KCNAB1: variants seen among roughly 807,000 people sequenced by gnomAD.
KCNAB1 encodes the protein voltage-gated potassium channel subunit beta-1.
Under a neutral mutation model 64.6 loss-of-function variants are expected in KCNAB1, and 35 were observed. That is an observed-to-expected ratio of 0.54 (90% confidence interval 0.41 to 0.72). The LOEUF (loss-of-function observed/expected upper bound fraction) is 0.72, where lower values mean the gene tolerates loss of function less well. Among genes scored for constraint, KCNAB1 ranks in the 30% least tolerant of loss-of-function variants. KCNAB1 has a pLI of 0.00. For missense variants in KCNAB1, 401 were observed against 512.9 expected, an observed-to-expected ratio of 0.78 and a Z score of 2.11; for synonymous variants, 177 against 183.8, an observed-to-expected ratio of 0.96 and a Z score of 0.30.
chr3:156,457,160 T>C, intron 3 of KCNAB1: 1 of 1,128,826 alleles, frequency 8.9e-7, no homozygotes, highest in South Asian at 2.6e-5. Flanking sequence ...CCATAAAGAA[T>C]GTTGTCAAAC....
chr3:156,343,545 T>C (rs1724278390), intron 1 of KCNAB1, among the ~76,000 whole-genome samples: 1 of 152,222 alleles, frequency 6.6e-6, no homozygotes. Context: ...CAGGGCCTTT[T>C]CAGCCTCCGC....
chr3:156,332,889 G>C (rs1163215161), intron 1 of KCNAB1, among the ~76,000 whole-genome samples: 1 of 152,064 alleles, frequency 6.6e-6, no homozygotes, highest in African/African-American at 2.4e-5. Flanking sequence ...TTATTTCCTG[G>C]TTTCCACAAC....
chr3:156,501,489 T>C (rs1390953882), intron 8 of KCNAB1, among the ~76,000 whole-genome samples: 1 of 135,916 alleles, frequency 7.4e-6, no homozygotes, highest in Non-Finnish European at 1.5e-5. Context: ...GAAATCGCAA[T>C]GATGTGGTCT....
In KCNAB1 at chr3:156,225,844, T is replaced by C. The variant is rs536025612; in HGVS notation, c.275+104958T>C. Among the ~76,000 whole-genome samples, 322 of 152,018 alleles carry C rather than the reference T, an allele frequency of 2.1e-3. 2 individuals carry two copies. The highest frequency in any genetic ancestry group is 7.3e-3 in the African/African-American group (304 of 41,430). ...CGATAGCTGCAAAAAATAATAATAATAAAATACATAGGAATATACCTAACC... is the reference window on the plus strand; with the variant it reads ...CGATAGCTGCAAAAAATAATAATAACAAAATACATAGGAATATACCTAACC... On this transcript the variant is annotated intron_variant, in intron 1 of 13. Coordinates refer to ENST00000490337, the MANE Select transcript of KCNAB1 (RefSeq NM_172160.3).
At chr3:156,329,801 T>C (rs1335253577) in intron 1 of KCNAB1, among the ~76,000 whole-genome samples, 1 of 152,172 alleles carries the variant, frequency 6.6e-6, no homozygotes, top group Non-Finnish European at 1.5e-5. Flanking sequence ...AATGTGGGTG[T>C]AGACACAACT....
rs534553763 is a variant in KCNAB1, at chr3:156,396,921, T to C, written c.276-24695T>C. 2.0e-5 allele frequency among the ~76,000 whole-genome samples: 3 copies of C among 152,328 alleles called. 1 individual carries two copies. The highest frequency in any genetic ancestry group is 6.5e-5 in the Admixed American group (1 of 15,296). ...GTTTCTTCTTAATTAGGACAGGCGATGTAATGACACAATCAAACACATATG... is the reference window on the plus strand; with the variant it reads ...GTTTCTTCTTAATTAGGACAGGCGACGTAATGACACAATCAAACACATATG... On this transcript the variant is annotated intron_variant, in intron 1 of 13. Coordinates refer to ENST00000490337, the MANE Select transcript of KCNAB1 (RefSeq NM_172160.3).
intron 1 of KCNAB1, among the ~76,000 whole-genome samples, chr3:156,354,251 C>T (rs945931833): frequency 6.8e-6 from 1 of 147,512 alleles, no homozygotes; most frequent in Admixed American, 6.7e-5. Context: ...CAAACTCTGC[C>T]TCCTGGGTTC....
intron 8 of KCNAB1, among the ~76,000 whole-genome samples, chr3:156,498,354 C>T (rs188945627): frequency 4.0e-4 from 61 of 152,270 alleles, no homozygotes; most frequent in Non-Finnish European, 6.0e-4. Flanking sequence ...ACAATTCCCA[C>T]GTGTTGTGGG....
intron 8 of KCNAB1, among the ~76,000 whole-genome samples, chr3:156,513,601 G>C (rs1396075431): frequency 6.6e-6 from 1 of 152,226 alleles, no homozygotes; most frequent in African/African-American, 2.4e-5. Flanking sequence ...ACATCTGGCT[G>C]GTGCCAAGAG....
At chr3:156,213,781 A>T (rs532464898) in intron 1 of KCNAB1, among the ~76,000 whole-genome samples, 70 of 152,318 alleles carry the variant, frequency 4.6e-4, no homozygotes, top group Admixed American at 2.5e-3. Flanking sequence ...CCAGTTCCTG[A>T]CACAGAGGTC....
intron 1 of KCNAB1, among the ~76,000 whole-genome samples, chr3:156,345,482 G>A (rs1052516958): frequency 6.6e-6 from 1 of 152,222 alleles, no homozygotes; most frequent in African/African-American, 2.4e-5. Flanking sequence ...TAGTTTGAGG[G>A]TGTTCCATTT....
intron 1 of KCNAB1, among the ~76,000 whole-genome samples, chr3:156,327,580 A>G (rs1012990854): frequency 1.3e-5 from 2 of 152,168 alleles, no homozygotes; most frequent in African/African-American, 2.4e-5. Flanking sequence ...CGGGGCTTAC[A>G]TAAGTAAGTA....
At chr3:156,488,926 G>T (rs1715421032) in intron 8 of KCNAB1, among the ~76,000 whole-genome samples, 1 of 152,138 alleles carries the variant, frequency 6.6e-6, no homozygotes, top group African/African-American at 2.4e-5. Flanking sequence ...TGAAAGAAAA[G>T]AGTGAAGAAT....
chr3:156,283,443 C>A (rs1435388467), intron 1 of KCNAB1, among the ~76,000 whole-genome samples: 14 of 149,132 alleles, frequency 9.4e-5, no homozygotes, highest in African/African-American at 3.5e-4. Context: ...AATTATGTGT[C>A]TTGGAGTTGC....
chr3:156,336,447 TAAC>T (rs1212009757), intron 1 of KCNAB1, among the ~76,000 whole-genome samples: 1 of 152,154 alleles, frequency 6.6e-6, no homozygotes, highest in Non-Finnish European at 1.5e-5. Context: ...GTATGGAGAA[TAAC>T]AACAAATACT....
intron 1 of KCNAB1, among the ~76,000 whole-genome samples, chr3:156,137,223 TGG>T (rs71624582): frequency 3.5e-5 from 1 of 28,944 alleles, no homozygotes; most frequent in Non-Finnish European, 1.0e-4. Context: ...CATACATTGG[TGG>T]GGGGGGATTG....
chr3:156,125,534 A>G (rs1396173418), intron 1 of KCNAB1, among the ~76,000 whole-genome samples: 3 of 152,234 alleles, frequency 2.0e-5, no homozygotes, highest in African/African-American at 7.2e-5. Context: ...ATTAAATTGA[A>G]GTTACTAGGA....
At position 156,516,254 on chromosome 3, in the gene KCNAB1, G is replaced by C. The variant is rs371201746; in HGVS notation, c.866-16G>C. 2.5e-4 allele frequency: 408 copies of C among 1,604,154 alleles called. No homozygotes were observed. The highest frequency in any genetic ancestry group is 3.3e-4 in the Non-Finnish European group (383 of 1,171,120). On this transcript the variant is annotated splice_polypyrimidine_tract_variant and intron_variant, in intron 10 of 13. Coordinates refer to ENST00000490337, the MANE Select transcript of KCNAB1 (RefSeq NM_172160.3). ...CCAATTTGCACAAGCAACTTTCTAA[G>C]TTTTTTCTTCTGTAGGTGTTGGCGC...
intron 1 of KCNAB1, among the ~76,000 whole-genome samples, chr3:156,316,339 G>A (rs1190433263): frequency 6.6e-6 from 1 of 152,218 alleles, no homozygotes; most frequent in Non-Finnish European, 1.5e-5. Context: ...AATCAACATA[G>A]TAGTGACTCT....
Sources: gnomAD v4.1 joint callset for allele counts (sites outside exome capture counted in the v4.1 genomes callset) on GRCh38, gnomAD v4.1.1 for gene constraint, MANE v1.5 for transcripts, NCBI Gene and HGNC (gene_info 2026-07-23, HGNC 2026-07-21) for gene names.